LYST: variants seen among roughly 807,000 people sequenced by gnomAD.
The protein encoded by LYST is lysosomal-trafficking regulator.
LYST carries 192 observed loss-of-function variants against 413.6 expected under a neutral mutation model. The ratio of observed to expected loss-of-function variants is 0.46; its 90% CI spans 0.41 to 0.52. LYST has a LOEUF of 0.52. Among genes scored for constraint, LYST ranks in the 20% least tolerant of loss-of-function variants. The pLI, the probability that LYST is intolerant of heterozygous loss-of-function variation, is 0.00. For missense variants in LYST, 3,815 were observed against 4,499.9 expected (o/e 0.85, Z 4.35); for synonymous variants, 1,525 against 1,567.3 (o/e 0.97, Z 0.64).
intron 50 of LYST, among the ~76,000 whole-genome samples, chr1:235,675,875 T>C (rs575952592): frequency 7.8e-4 from 119 of 152,092 alleles, no homozygotes; most frequent in Non-Finnish European, 1.2e-3. Context: ...CTGGTTAGTC[T>C]CTGGAAAAAC....
At chr1:235,838,679 T>C (rs1019750525) in intron 1 of LYST, among the ~76,000 whole-genome samples, 1 of 152,234 alleles carries the variant, frequency 6.6e-6, no homozygotes, top group Non-Finnish European at 1.5e-5. Flanking sequence ...AGATTATTAG[T>C]TGAGCAATGA....
chr1:235,776,976 T>C, intron 17 of LYST, 87 bp downstream of exon 17: 1 of 1,215,990 alleles, frequency 8.2e-7, no homozygotes, highest in South Asian at 1.3e-5. Flanking sequence ...GTGTAGCTTT[T>C]TCGTGTGGTC....
At position 235,723,961 on chromosome 1, in the gene LYST, A is replaced by G. The variant is rs191815094; in HGVS notation, c.9315+67T>C. The G allele has an allele frequency of 9.6e-4, 1,238 of 1,295,532 alleles. 12 individuals carry two copies. The Admixed American group carries it at 0.017, about 18-fold the overall frequency. 80.3% of individuals were successfully genotyped at this position (1,295,532 alleles called of 1,614,324 possible). On this transcript the variant is annotated intron_variant, in intron 39 of 52. Coordinates refer to ENST00000389793, the MANE Select transcript of LYST (RefSeq NM_000081.4). ...TTCAGTAAACCTTCATGTAATCAGT[A>G]TGAGTATAGTTACAGTGGCCCATGA...
At position 235,806,512 on chromosome 1, in the gene LYST, T is replaced by C. The variant is rs767893165; in HGVS notation, c.2624A>G (p.Tyr875Cys). 1.9e-6 allele frequency: 3 copies of C among 1,614,058 alleles called. No homozygotes were observed. Among genetic ancestry groups the C allele is most frequent in the Non-Finnish European group, 2.5e-6 (3 of 1,179,982 alleles). Reference protein sequence around the residue: ...SDSPQSLSKFYAGLKEAYPKR... With the variant: ...SDSPQSLSKFCAGLKEAYPKR... ...TGGATAAGCTTCTTTGAGGCCAGCA[T>C]AAAATTTGCTGAGACTCTGAGGAGA... The change falls in exon 6 of 53, where the codon TAT becomes TGT. Residue 875 changes from tyrosine (Y) to cysteine (C), a missense_variant. By Grantham distance (194) the Tyr-to-Cys change is radical. Coordinates refer to ENST00000389793, the MANE Select transcript of LYST (RefSeq NM_000081.4).
At chr1:235,678,893 A>AT (rs1278483266) in intron 48 of LYST, among the ~76,000 whole-genome samples, 1 of 152,062 alleles carries the variant, frequency 6.6e-6, no homozygotes, top group African/African-American at 2.4e-5. Flanking sequence ...ATATGGTATT[A>AT]TTTTTTAGGT....
intron 14 of LYST, among the ~76,000 whole-genome samples, chr1:235,785,710 A>T (rs1670345928): frequency 6.6e-6 from 1 of 152,166 alleles, no homozygotes; most frequent in Non-Finnish European, 1.5e-5. Context: ...TTTATTTCTC[A>T]TTATTCAACT....
At chr1:235,745,207 T>C (rs1318647589) in intron 29 of LYST, among the ~76,000 whole-genome samples, 1 of 152,214 alleles carries the variant, frequency 6.6e-6, no homozygotes, top group Non-Finnish European at 1.5e-5. Context: ...TCACCTCACA[T>C]AGTTACCACT....
intron 14 of LYST, among the ~76,000 whole-genome samples, chr1:235,786,743 T>G (rs976942031): frequency 2.0e-5 from 3 of 152,034 alleles, no homozygotes; most frequent in African/African-American, 7.3e-5. Flanking sequence ...GTTCATGTCC[T>G]TTGTACGGAC....
chr1:235,746,308 G>A (rs1303663375), intron 29 of LYST, 28 bp downstream of exon 29: 2 of 1,598,778 alleles, frequency 1.3e-6, no homozygotes, highest in African/African-American at 2.7e-5. Context: ...AAAATCTGAG[G>A]AAAAACAAAC....
chr1:235,806,861 G>T, intron 5 of LYST, 89 bp from the exon 6 acceptor site: 2 of 863,864 alleles, frequency 2.3e-6, no homozygotes, highest in Non-Finnish European at 1.9e-6. Flanking sequence ...TATCGCTATT[G>T]CATGTGGGAT....
At position 235,833,632 on chromosome 1, in the gene LYST, C is replaced by T. The variant is rs551264148; in HGVS notation, c.-62G>A. 2 of 944,676 alleles carry T rather than the reference C, an allele frequency of 2.1e-6. No homozygotes were observed. Among genetic ancestry groups the T allele is most frequent in the Non-Finnish European group, 2.5e-6 (2 of 792,818 alleles). The allele number at this position is 944,676 out of a possible 1,614,324, so 58.5% of individuals were successfully genotyped here. A position where few individuals can be genotyped will look rare whatever the true frequency, so the allele number is the denominator to read the frequency against. On this transcript the variant is annotated 5_prime_UTR_variant, in exon 2 of 53. Coordinates refer to ENST00000389793, the MANE Select transcript of LYST (RefSeq NM_000081.4). ...AGTCTATATCATTTGGACTCATAAA[C>T]TAGATGAAACAAATATTCTTAGAAC...
In LYST at chr1:235,773,969, C is replaced by T. The variant is rs767596629; in HGVS notation, c.5657G>A (p.Gly1886Asp). The T allele has an allele frequency of 2.5e-6, 4 of 1,605,352 alleles. 1 individual carries two copies. The South Asian group carries it at 3.3e-5, about 13-fold the overall frequency. ...ILKTLLEGCC[G>D]EDIIYMNENG... ...CTCATTCATATAAATAATATCTTCA[C>T]CACAGCATCCTTCAAGAAGGGTCTA... Residue 1886 changes from glycine to aspartate, a missense_variant, in exon 19 of 53, where the codon GGT becomes GAT. Around this residue, in one of 4 missense-constraint regions of LYST, gnomAD observed 530 missense variants for 696.5 expected, o/e 0.76. Transcript: ENST00000389793.
intron 25 of LYST, among the ~76,000 whole-genome samples, chr1:235,754,172 A>G (rs572069054): frequency 1.2e-4 from 18 of 147,640 alleles, no homozygotes; most frequent in African/African-American, 4.0e-4. Flanking sequence ...TCCTATATGG[A>G]TCCTTTATGT....
chr1:235,712,813 T>G (rs1483235532), intron 42 of LYST: 1 of 984,898 alleles, frequency 1.0e-6, no homozygotes, highest in Non-Finnish European at 1.2e-6. Flanking sequence ...TTCGTTCATT[T>G]TTTTTCCAGG....
At chr1:235,719,170 C>T (rs1293284324) in intron 40 of LYST, among the ~76,000 whole-genome samples, 2 of 152,158 alleles carry the variant, frequency 1.3e-5, no homozygotes, top group Non-Finnish European at 1.5e-5. Flanking sequence ...AGGCATGTGC[C>T]ACCACGGCCG....
intron 1 of LYST, among the ~76,000 whole-genome samples, chr1:235,882,720 G>A (rs1307045202): frequency 6.6e-6 from 1 of 152,140 alleles, no homozygotes; most frequent in Non-Finnish European, 1.5e-5. Flanking sequence ...GTTAGGGAGG[G>A]CTAGCAGTGA....
chr1:235,757,889 T>C (rs1490789334), intron 23 of LYST, among the ~76,000 whole-genome samples: 1 of 151,998 alleles, frequency 6.6e-6, no homozygotes, highest in Non-Finnish European at 1.5e-5. Context: ...AAATGTTTTT[T>C]TTTTTTTTTT....
At chr1:235,675,505 G>A (rs1282940053) in intron 50 of LYST, among the ~76,000 whole-genome samples, 3 of 152,130 alleles carry the variant, frequency 2.0e-5, no homozygotes, top group South Asian at 2.1e-4. Flanking sequence ...AGAAGTAAAT[G>A]TGCCTTCCTG....
chr1:235,756,223 G>A lies in LYST; in HGVS notation c.7060-576C>T, dbSNP rs544687783. 7.2e-5 allele frequency among the ~76,000 whole-genome samples: 11 copies of A among 152,072 alleles called. No homozygotes were observed. The South Asian group carries it at 2.3e-3, about 32-fold the overall frequency. On this transcript the variant is annotated intron_variant, in intron 24 of 52. Coordinates refer to ENST00000389793, the MANE Select transcript of LYST (RefSeq NM_000081.4). ...TTTCTCCCCTTCAATGACTCTCACA[G>A]TAGTGATAGACTCCTTTCCCCCAGA...
Sources: gnomAD v4.1 joint callset for allele counts (sites outside exome capture counted in the v4.1 genomes callset) on GRCh38, gnomAD v4.1.1 for gene constraint, gnomAD v4.1.1 regional missense constraint, MANE v1.5 for transcripts, NCBI Gene and HGNC (gene_info 2026-07-23, HGNC 2026-07-21) for gene names.